LGR4: variants seen among roughly 807,000 people sequenced by gnomAD.
The protein encoded by LGR4 is leucine rich repeat containing G protein-coupled receptor 4.
LGR4 carries 44 observed loss-of-function variants against 84.8 expected under a neutral mutation model. That is an observed-to-expected ratio of 0.52 (90% CI 0.41 to 0.67). The LOEUF (loss-of-function observed/expected upper bound fraction) is 0.67. LGR4 is among the 30% of genes least tolerant of loss of function. The probability of loss-of-function intolerance (pLI) is 0.00; values close to 1 mark genes in which losing one functional copy is unlikely to be tolerated. For synonymous variants in LGR4, 429 were observed against 434.3 expected, an observed-to-expected ratio of 0.99 and a Z score of 0.15; for missense variants, 1,032 against 1,131.4, an observed-to-expected ratio of 0.91 and a Z score of 1.26.
At chr11:27,372,158 C>A in intron 16 of LGR4, 125 bp downstream of exon 16, 2 of 698,392 alleles carry the variant, frequency 2.9e-6, no homozygotes, top group East Asian at 2.7e-5. Flanking sequence ...AGCCATCACA[C>A]CTGGCCAGAC....
At chr11:27,411,623 T>G (rs1379970127) in intron 2 of LGR4, among the ~76,000 whole-genome samples, 1 of 152,134 alleles carries the variant, frequency 6.6e-6, no homozygotes, top group Non-Finnish European at 1.5e-5. Context: ...TATTATTAGC[T>G]GCACCTTTTT....
At chr11:27,459,418 G>T (rs1864638504) in intron 1 of LGR4, among the ~76,000 whole-genome samples, 1 of 151,866 alleles carries the variant, frequency 6.6e-6, no homozygotes, top group African/African-American at 2.4e-5. Flanking sequence ...ACAGCGGGGG[G>T]TTTTTCCTCC....
chr11:27,433,233 G>A (rs756926990), intron 1 of LGR4, among the ~76,000 whole-genome samples: 6 of 151,982 alleles, frequency 3.9e-5, no homozygotes, highest in Non-Finnish European at 7.4e-5. Flanking sequence ...ATTTTTTTGA[G>A]ACGGAGTCTC....
At chr11:27,452,909 A>C (rs1444301447) in intron 1 of LGR4, among the ~76,000 whole-genome samples, 1 of 151,554 alleles carries the variant, frequency 6.6e-6, no homozygotes, top group East Asian at 1.9e-4. Context: ...AATAGTTTGT[A>C]TACTTCTGTG....
chr11:27,400,636 G>C lies in LGR4; in HGVS notation c.258-8118C>G, dbSNP rs1279169200. 6.6e-5 allele frequency among the ~76,000 whole-genome samples: 10 copies of C among 151,764 alleles called. No individual in the cohort carries two copies. The South Asian group carries it at 2.1e-3, about 32-fold the overall frequency. On this transcript the variant is annotated intron_variant, in intron 2 of 17. Coordinates refer to ENST00000379214, the MANE Select transcript of LGR4 (RefSeq NM_018490.5). ...CCTTGCCTCAGCCTCTTGAGTAGCT[G>C]GGATTACAGGCGCCCGCCACTATGC... is the stretch of plus-strand genomic sequence containing the variant.
intron 13 of LGR4, 25 bp downstream of exon 13, chr11:27,376,274 C>T (rs907766078): frequency 5.0e-6 from 7 of 1,399,392 alleles, no homozygotes; most frequent in African/African-American, 1.5e-5. Flanking sequence ...AATTTATTGT[C>T]TTTAATAATC....
chr11:27,445,878 A>G (rs960813702), intron 1 of LGR4, among the ~76,000 whole-genome samples: 5 of 121,846 alleles, frequency 4.1e-5, no homozygotes, highest in Admixed American at 9.1e-5. Flanking sequence ...CCCTGTCTCA[A>G]AAAATAAAAA....
chr11:27,398,618 G>A (rs750524633), intron 2 of LGR4, among the ~76,000 whole-genome samples: 1 of 152,256 alleles, frequency 6.6e-6, no homozygotes, highest in East Asian at 1.9e-4. Context: ...AGCAGAGGGA[G>A]ACTACAGCAA....
chr11:27,382,809 G>C (rs974564320), intron 6 of LGR4, among the ~76,000 whole-genome samples: 1 of 152,112 alleles, frequency 6.6e-6, no homozygotes, highest in African/African-American at 2.4e-5. Flanking sequence ...ATGAGGTCAA[G>C]AGATCGAGAC....
At chr11:27,431,724 C>A (rs1864119081) in intron 1 of LGR4, among the ~76,000 whole-genome samples, 1 of 152,154 alleles carries the variant, frequency 6.6e-6, no homozygotes, top group Admixed American at 6.5e-5. Context: ...ACTTACTAAT[C>A]CGTGTAAGAT....
chr11:27,392,376 T>A, intron 3 of LGR4, 71 bp downstream of exon 3: 1 of 1,213,636 alleles, frequency 8.2e-7, no homozygotes, highest in Non-Finnish European at 1.2e-6. Flanking sequence ...CTTAACCTAG[T>A]TCCAAGCATG....
intron 1 of LGR4, among the ~76,000 whole-genome samples, chr11:27,461,273 C>T (rs1864674614): frequency 6.6e-6 from 1 of 151,442 alleles, no homozygotes; most frequent in South Asian, 2.1e-4. Context: ...GAGGCTGAGG[C>T]AGGAGGATTG....
At chr11:27,389,787 T>G (rs117862313) in intron 4 of LGR4, among the ~76,000 whole-genome samples, 332 of 152,164 alleles carry the variant, frequency 2.2e-3, no homozygotes, top group Admixed American at 3.5e-3. Context: ...CCACCCGAGG[T>G]GAGAGAGTGT....
At chr11:27,373,926 T>C (rs777530965) in intron 14 of LGR4, 49 bp downstream of exon 14, 2 of 1,259,570 alleles carry the variant, frequency 1.6e-6, no homozygotes, top group East Asian at 2.3e-5. Flanking sequence ...GATGTTTCTA[T>C]AGCACTAGTT....
At chr11:27,458,318 G>A (rs1344804953) in intron 1 of LGR4, among the ~76,000 whole-genome samples, 1 of 152,132 alleles carries the variant, frequency 6.6e-6, no homozygotes, top group African/African-American at 2.4e-5. Context: ...TAGTTCAGCA[G>A]TTGTCAGAGG....
At chr11:27,428,659 GC>G (rs1358718881) in intron 1 of LGR4, among the ~76,000 whole-genome samples, 1 of 152,154 alleles carries the variant, frequency 6.6e-6, no homozygotes, top group African/African-American at 2.4e-5. Context: ...ATAGATAAGA[GC>G]CCCCTGAGGG....
intron 1 of LGR4, among the ~76,000 whole-genome samples, chr11:27,460,617 C>A (rs927631394): frequency 6.6e-6 from 1 of 152,172 alleles, no homozygotes; most frequent in South Asian, 2.1e-4. Context: ...TGTAATGAGG[C>A]TCTGGAAAAC....
chr11:27,417,827 T>C (rs1863848872), intron 1 of LGR4, among the ~76,000 whole-genome samples: 2 of 152,288 alleles, frequency 1.3e-5, no homozygotes, highest in South Asian at 4.1e-4. Context: ...CCTAAAAGAT[T>C]CTTCATTTGC....
intron 1 of LGR4, among the ~76,000 whole-genome samples, chr11:27,430,645 C>T (rs539135010): frequency 6.6e-6 from 1 of 152,218 alleles, no homozygotes; most frequent in East Asian, 1.9e-4. Context: ...CCCCTCGACC[C>T]CTTGCCTCAA....
Sources: gnomAD v4.1 joint callset for allele counts (sites outside exome capture counted in the v4.1 genomes callset) on GRCh38, gnomAD v4.1.1 for gene constraint, MANE v1.5 for transcripts, NCBI Gene and HGNC (gene_info 2026-07-23, HGNC 2026-07-21) for gene names.